ACTL6B: variants seen among roughly 807,000 people sequenced by gnomAD.
The protein encoded by ACTL6B is actin like 6B.
Under a neutral mutation model 63.3 loss-of-function variants are expected in ACTL6B, and 48 were observed. The ratio of observed to expected loss-of-function variants is 0.76; its 90% CI spans 0.60 to 0.96. ACTL6B has a LOEUF of 0.96. Among genes scored for constraint, ACTL6B ranks in the 50% least tolerant of loss-of-function variants. The pLI is 0.00. For missense variants in ACTL6B, 350 were observed against 572.2 expected (o/e 0.61, Z 3.96); for synonymous variants, 230 against 223.8 (o/e 1.03, Z -0.25).
In ACTL6B at chr7:100,647,084, C is replaced by A. The variant is rs939441509; in HGVS notation, c.823G>T (p.Val275Leu). ...TGCACTGTGGGCATTTGTGCAGCCA[C>A]CCTACCCAGAAGGGAGCAGGACTCT... ...QVSDSPYDEQ[V>L]AAQMPTVHYE... The change falls in exon 10 of 14, where the codon GTG becomes TTG. Residue 275 changes from valine to leucine, a missense_variant and splice_region_variant. This residue lies in a region of ACTL6B where 250 missense variants were observed against 364.7 expected (regional missense o/e 0.69). Coordinates refer to ENST00000160382, the MANE Select transcript of ACTL6B (RefSeq NM_016188.5). This position sits in a 1 kb window ranked among gnomAD's most constrained non-coding sequence, Gnocchi z 4.4. The A allele has an allele frequency of 4.3e-6, 7 of 1,614,056 alleles. No homozygotes were observed. The highest frequency in any genetic ancestry group is 8.5e-7 in the Non-Finnish European group (1 of 1,179,964).
rs886935548 is a variant in ACTL6B, at chr7:100,647,844, A to T, written c.670-311T>A. Reference sequence around the variant, plus strand: ...GTGAGGGCACGGAATGGAGCTAAGCACACAGTGTCACTTCATACTCACAGC... The same window carrying T: ...GTGAGGGCACGGAATGGAGCTAAGCTCACAGTGTCACTTCATACTCACAGC... On this transcript the variant is annotated intron_variant, in intron 7 of 13. Transcript: ENST00000160382. The surrounding 1 kb of genome is among the most constrained non-coding windows in gnomAD (Gnocchi z 4.4). The T allele has an allele frequency of 8.6e-6, 3 of 348,660 alleles. No individual in the cohort carries two copies. The East Asian group carries it at 1.4e-4, about 17-fold the overall frequency. 21.6% of individuals were successfully genotyped at this position (348,660 alleles called of 1,614,324 possible).
chr7:100,654,456 AATAATAATAAT>A (rs1483687181), intron 4 of ACTL6B, among the ~76,000 whole-genome samples: 2 of 147,774 alleles, frequency 1.4e-5, no homozygotes, highest in Non-Finnish European at 3.0e-5. Context: ...TAATAATAAT[AATAATAATAAT>A]AATAAGTGAA....
Position 100,648,506 on chromosome 7 carries a change from G to A in ACTL6B, c.669+50C>T. ...TGTGTCAGAGGGTTGACGGCCATGGGGCGAGTGGCCAGGACTCTAGTGGCA... is the reference window on the plus strand; with the variant it reads ...TGTGTCAGAGGGTTGACGGCCATGGAGCGAGTGGCCAGGACTCTAGTGGCA... On this transcript the variant is annotated intron_variant, in intron 7 of 13. Transcript: ENST00000160382. The surrounding 1 kb of genome is among the most constrained non-coding windows in gnomAD (Gnocchi z 4.4). The A allele has an allele frequency of 2.0e-6, 3 of 1,476,506 alleles. No individual in the cohort carries two copies. The South Asian group carries it at 4.0e-5, about 19-fold the overall frequency. 91.5% of individuals were successfully genotyped at this position (1,476,506 alleles called of 1,614,324 possible). A position where few individuals can be genotyped will look rare whatever the true frequency, so the allele number is the denominator to read the frequency against.
chr7:100,655,662 G>C lies in ACTL6B; in HGVS notation c.103-76C>G. ...TGCCCCTGTCCAGCCCCACAGCAGG[G>C]TCCTCAGACCGCCCCTGGGTTTATT... On this transcript the variant is annotated intron_variant, in intron 2 of 13. Coordinates refer to ENST00000160382, the MANE Select transcript of ACTL6B (RefSeq NM_016188.5). The surrounding 1 kb of genome is among the most constrained non-coding windows in gnomAD (Gnocchi z 4.4). The C allele has an allele frequency of 1.3e-6, 2 of 1,544,144 alleles. No individual in the cohort carries two copies. The highest frequency in any genetic ancestry group is 2.0e-5 in the Admixed American group (1 of 51,036).
rs529376684 is a variant in ACTL6B, at chr7:100,646,017, C to A, written c.1200+232G>T. On this transcript the variant is annotated intron_variant, in intron 13 of 13. Coordinates refer to ENST00000160382, the MANE Select transcript of ACTL6B (RefSeq NM_016188.5). The surrounding 1 kb of genome is among the most constrained non-coding windows in gnomAD (Gnocchi z 6.1). ...AACTCCTAGCCTCAAGCCATCCCCC[C>A]ACTTCAGCCACCCAAAGTGCTGGGA... Among the ~76,000 whole-genome samples the A allele has an allele frequency of 6.6e-6, 1 of 152,240 alleles. No homozygotes were observed. Among genetic ancestry groups the A allele is most frequent in the Non-Finnish European group, 1.5e-5 (1 of 68,054 alleles).
intron 5 of ACTL6B, among the ~76,000 whole-genome samples, chr7:100,649,729 G>C (rs1369439152): frequency 6.6e-6 from 1 of 152,196 alleles, no homozygotes; most frequent in African/African-American, 2.4e-5. Context: ...CTTGGGAAGG[G>C]ACTGCCGCAG....
At position 100,650,080 on chromosome 7, in the gene ACTL6B, T is replaced by G. The variant is rs1803908145; in HGVS notation, c.425A>C (p.Asn142Thr). The G allele has an allele frequency of 6.2e-7, 1 of 1,613,896 alleles. No homozygotes were observed. The highest frequency in any genetic ancestry group is 1.3e-5 in the African/African-American group (1 of 74,922). The change falls in exon 5 of 14, where the codon AAC (asparagine) becomes ACC (threonine). Residue 142 changes from asparagine to threonine, a missense_variant. Transcript: ENST00000160382. ...KLTELMFEQY[N>T]IPAFFLCKTA... is the part of the protein sequence containing the mutation. ...CTTGCATAAGAAGAAGGCAGGAATG[T>G]TGTACTGCTCGAACATCAGCTCTGT...
In ACTL6B at chr7:100,648,235, G is replaced by T; in HGVS notation, c.669+321C>A. Reference sequence around the variant, plus strand: ...AGCCTCCCGAAGTGCTGGGATTACAGGTGTGAGCCACCATGCCTGACCGGT... The same window carrying T: ...AGCCTCCCGAAGTGCTGGGATTACATGTGTGAGCCACCATGCCTGACCGGT... On this transcript the variant is annotated intron_variant, in intron 7 of 13. Coordinates refer to ENST00000160382, the MANE Select transcript of ACTL6B (RefSeq NM_016188.5). This position sits in a 1 kb window ranked among gnomAD's most constrained non-coding sequence, Gnocchi z 4.4. 4.9e-6 allele frequency: 1 copy of T among 205,552 alleles called. No individual in the cohort carries two copies. Among genetic ancestry groups the T allele is most frequent in the Non-Finnish European group, 9.7e-6 (1 of 102,580 alleles). 12.7% of individuals were successfully genotyped at this position (205,552 alleles called of 1,614,324 possible). A position where few individuals can be genotyped will look rare whatever the true frequency, so the allele number is the denominator to read the frequency against.
chr7:100,644,781 C>T (rs1360063287), intron 13 of ACTL6B, among the ~76,000 whole-genome samples: 24 of 150,658 alleles, frequency 1.6e-4, no homozygotes, highest in Non-Finnish European at 1.8e-4. Context: ...TCAGGCCGGG[C>T]ATGGTGGCTC....
intron 13 of ACTL6B, 142 bp from the exon 14 acceptor site, chr7:100,643,468 T>A (rs1238350843): frequency 1.1e-5 from 8 of 707,118 alleles, no homozygotes; most frequent in Non-Finnish European, 1.0e-5. Flanking sequence ...CACCTCATCC[T>A]CCCCTCCTCG....
Position 100,655,574 on chromosome 7 carries a change from T to G in ACTL6B, c.115A>C (p.Thr39Pro). ...TCCGCGGCCAGCAGCCCCACTGTGG[T>G]GGGGAAGTCAGCCTGGTGGGGAAGG... ...GEDCPKADFP[T>P]TVGLLAAEEG... Residue 39 changes from threonine to proline, a missense_variant, in exon 3 of 14, where the codon ACC becomes CCC. Physicochemically the swap from Thr to Pro is conservative, Grantham distance 38. Coordinates refer to ENST00000160382, the MANE Select transcript of ACTL6B (RefSeq NM_016188.5). The surrounding 1 kb of genome is among the most constrained non-coding windows in gnomAD (Gnocchi z 4.4). 6.2e-7 allele frequency: 1 copy of G among 1,612,752 alleles called. No individual in the cohort carries two copies. The highest frequency in any genetic ancestry group is 8.5e-7 in the Non-Finnish European group (1 of 1,179,412).
At chr7:100,644,151 C>T (rs1358272726) in intron 13 of ACTL6B, among the ~76,000 whole-genome samples, 7 of 152,274 alleles carry the variant, frequency 4.6e-5, no homozygotes, top group Non-Finnish European at 8.8e-5. Context: ...CCGCCCGCCT[C>T]GGCCTCCCAA....
chr7:100,655,204 C>A lies in ACTL6B; in HGVS notation c.269-85G>T. 7.6e-7 allele frequency: 1 copy of A among 1,316,678 alleles called. No homozygotes were observed. The highest frequency in any genetic ancestry group is 1.1e-6 in the Non-Finnish European group (1 of 923,720). 81.6% of individuals were successfully genotyped at this position (1,316,678 alleles called of 1,614,324 possible). A position where few individuals can be genotyped will look rare whatever the true frequency, so the allele number is the denominator to read the frequency against. Reference sequence around the variant, plus strand: ...AAGAAAAGGAGGGAGAAAGGCCAAGCCCAAAGGAGGGTCAGTGAGTCCAGC... The same window carrying A: ...AAGAAAAGGAGGGAGAAAGGCCAAGACCAAAGGAGGGTCAGTGAGTCCAGC... On this transcript the variant is annotated intron_variant, in intron 3 of 13. Transcript: ENST00000160382. The surrounding 1 kb of genome is among the most constrained non-coding windows in gnomAD (Gnocchi z 4.4).
chr7:100,654,945 G>T, intron 4 of ACTL6B, 74 bp downstream of exon 4: 1 of 1,272,008 alleles, frequency 7.9e-7, no homozygotes, highest in Non-Finnish European at 1.1e-6. Flanking sequence ...TGAGGGGAGA[G>T]GAGGAGAGGT....
At chr7:100,650,762 T>C (rs1803927153) in intron 4 of ACTL6B, among the ~76,000 whole-genome samples, 1 of 149,348 alleles carries the variant, frequency 6.7e-6, no homozygotes, top group South Asian at 2.1e-4. Context: ...GAACATAAAG[T>C]GGAGGGAATA....
chr7:100,645,950 A>C (rs1392490540), intron 13 of ACTL6B, among the ~76,000 whole-genome samples: 5 of 152,096 alleles, frequency 3.3e-5, no homozygotes, highest in African/African-American at 1.2e-4. Flanking sequence ...CCAGTTTGTA[A>C]AAGTAGAGAT....
chr7:100,647,508 G>T lies in ACTL6B; in HGVS notation c.695C>A (p.Pro232Gln), dbSNP rs764791421. Residue 232 changes from proline to glutamine, a missense_variant, in exon 8 of 14, where the codon CCA (proline) becomes CAA (glutamine). Physicochemically the swap from Pro to Gln is moderately conservative, Grantham distance 76. Around this residue, in one of 3 missense-constraint regions of ACTL6B, gnomAD observed 250 missense variants for 364.7 expected, o/e 0.69. Transcript: ENST00000160382. The surrounding 1 kb of genome is among the most constrained non-coding windows in gnomAD (Gnocchi z 4.4). ...TAGCTTCTCCTTCTTCTTCCAGTTT[G>T]GGGGGGCACCCTCCCGGACAGGCTC... The part of the protein sequence containing the change: ...AKEPVREGAP[P>Q]NWKKKEKLPQ... 23 of 1,606,728 alleles carry T rather than the reference G, an allele frequency of 1.4e-5. No homozygotes were observed. Among genetic ancestry groups the T allele is most frequent in the African/African-American group, 2.7e-5 (2 of 74,782 alleles).
intron 5 of ACTL6B, among the ~76,000 whole-genome samples, chr7:100,649,790 G>C (rs1162473304): frequency 1.3e-5 from 2 of 152,106 alleles, no homozygotes; most frequent in South Asian, 2.1e-4. Context: ...ACTCTCTCCC[G>C]GGCCCAGCTC....
At chr7:100,651,214 CA>C (rs71126328) in intron 4 of ACTL6B, among the ~76,000 whole-genome samples, 148,559 of 152,252 alleles carry the variant, frequency 0.98, 72,508 homozygotes, top group East Asian at 1. Context: ...GTGAGACACA[CA>C]AAAGTCTCAA....
Sources: gnomAD v4.1 joint callset for allele counts (sites outside exome capture counted in the v4.1 genomes callset) on GRCh38, gnomAD v4.1.1 for gene constraint, gnomAD v4.1.1 regional missense constraint, Gnocchi (gnomAD v3.1) non-coding constraint, MANE v1.5 for transcripts, NCBI Gene and HGNC (gene_info 2026-07-23, HGNC 2026-07-21) for gene names.